TMTC2: variants seen among roughly 807,000 people sequenced by gnomAD.
TMTC2 encodes protein O-mannosyl-transferase TMTC2.
A neutral mutation model predicts 82.4 loss-of-function variants in TMTC2; 43 were observed. The ratio of observed to expected loss-of-function variants is 0.52; its 90% CI spans 0.41 to 0.67. TMTC2 has a LOEUF of 0.67. TMTC2 is among the 30% of genes least tolerant of loss of function. TMTC2 has a pLI of 0.00. For missense variants in TMTC2, 919 were observed against 1,012.4 expected (o/e 0.91, Z 1.25); for synonymous variants, 408 against 381.9 (o/e 1.07, Z -0.80).
intron 11 of TMTC2, among the ~76,000 whole-genome samples, chr12:83,131,784 A>G (rs1019566393): frequency 2.0e-5 from 3 of 152,200 alleles, no homozygotes; most frequent in Non-Finnish European, 2.9e-5. Flanking sequence ...AGAAGAGAAA[A>G]CAAAGAATGA....
chr12:82,785,772 C>T (rs994465092), intron 1 of TMTC2, among the ~76,000 whole-genome samples: 4 of 152,090 alleles, frequency 2.6e-5, no homozygotes, highest in Admixed American at 6.5e-5. Context: ...TTGGAATTCT[C>T]TAGTCTCCTT....
chr12:82,931,436 G>A (rs2137244494), intron 4 of TMTC2, among the ~76,000 whole-genome samples: 1 of 152,240 alleles, frequency 6.6e-6, no homozygotes, highest in African/African-American at 2.4e-5. Flanking sequence ...TGTTCTTTGA[G>A]TGGACAGTCC....
intron 1 of TMTC2, among the ~76,000 whole-genome samples, chr12:82,723,342 C>A (rs1449944989): frequency 6.6e-6 from 1 of 152,146 alleles, no homozygotes. Context: ...CCGCAGCTTT[C>A]TGAGCCCTGT....
At chr12:82,882,125 A>C (rs1005350437) in intron 2 of TMTC2, among the ~76,000 whole-genome samples, 1 of 142,780 alleles carries the variant, frequency 7.0e-6, no homozygotes, top group Admixed American at 7.1e-5. Flanking sequence ...TCAGCCTCCC[A>C]AGTAGCTGGG....
intron 1 of TMTC2, among the ~76,000 whole-genome samples, chr12:82,735,624 C>T (rs577086951): frequency 1.1e-4 from 17 of 151,392 alleles, no homozygotes; most frequent in East Asian, 8.0e-4. Context: ...GGATTACAGG[C>T]GTGAGCCACC....
intron 1 of TMTC2, among the ~76,000 whole-genome samples, chr12:82,853,936 TG>T (rs1871118343): frequency 6.7e-6 from 1 of 150,144 alleles, no homozygotes. Flanking sequence ...GTTTGGCAGT[TG>T]TTTTTTTTTT....
intron 9 of TMTC2, among the ~76,000 whole-genome samples, chr12:83,033,834 A>G (rs10862574): frequency 0.63 from 91,516 of 144,384 alleles, 29,768 homozygotes; most frequent in South Asian, 0.74. Context: ...GTGTGTGTGT[A>G]TATATATGTA....
intron 2 of TMTC2, among the ~76,000 whole-genome samples, chr12:82,876,178 G>GTGGTGGTGGTGGT (rs1872567063): frequency 7.3e-6 from 1 of 137,578 alleles, no homozygotes; most frequent in Non-Finnish European, 1.5e-5. Flanking sequence ...GTTGTTGATC[G>GTGGTGGTGGTGGT]GGTGGTAGTG....
chr12:82,778,739 C>T (rs1208298889), intron 1 of TMTC2, among the ~76,000 whole-genome samples: 2 of 145,362 alleles, frequency 1.4e-5, no homozygotes, highest in Non-Finnish European at 3.0e-5. Flanking sequence ...GTCCCAGCTA[C>T]TTGGGAGGCT....
chr12:82,932,055 A>G (rs776679805), intron 4 of TMTC2, among the ~76,000 whole-genome samples: 15 of 152,204 alleles, frequency 9.9e-5, no homozygotes, highest in Non-Finnish European at 2.2e-4. Context: ...TACTGACAGT[A>G]TTAAACTAAT....
intron 1 of TMTC2, among the ~76,000 whole-genome samples, chr12:82,832,845 A>G (rs756297222): frequency 6.6e-6 from 1 of 152,224 alleles, no homozygotes; most frequent in African/African-American, 2.4e-5. Context: ...GGAAATGTAA[A>G]ATAGATTAGT....
chr12:82,704,290 T>C (rs1873236556), intron 1 of TMTC2, among the ~76,000 whole-genome samples: 2 of 152,222 alleles, frequency 1.3e-5, no homozygotes, highest in African/African-American at 4.8e-5. Context: ...GAAAATGAAG[T>C]TAAAAGATTT....
In TMTC2 at chr12:83,034,690, A is replaced by G. The variant is rs983106584; in HGVS notation, c.2152+3811A>G. Among the ~76,000 whole-genome samples, 7 of 152,210 alleles carry G rather than the reference A, an allele frequency of 4.6e-5. No homozygotes were observed. In the South Asian group the frequency reaches 6.2e-4, roughly 14 times the overall value. On this transcript the variant is annotated intron_variant, in intron 9 of 11. Transcript: ENST00000321196. ...TTTACTTCCTTTAGAAGATTCTAAC[A>G]TAAGAGTAGGGATGGTGTGTTTTCC...
intron 2 of TMTC2, among the ~76,000 whole-genome samples, chr12:82,865,938 A>G (rs1232106034): frequency 6.6e-6 from 1 of 152,234 alleles, no homozygotes; most frequent in Admixed American, 6.5e-5. Context: ...ATGAAGGCAG[A>G]AATAAAGATG....
chr12:82,752,989 G>A (rs1349572560), intron 1 of TMTC2, among the ~76,000 whole-genome samples: 1 of 152,064 alleles, frequency 6.6e-6, no homozygotes, highest in African/African-American at 2.4e-5. Context: ...GTTCTCGAGG[G>A]CTGCTACAGT....
intron 1 of TMTC2, among the ~76,000 whole-genome samples, chr12:82,806,883 G>A (rs1879270245): frequency 6.6e-6 from 1 of 152,030 alleles, no homozygotes. Context: ...CTGTTAAAAC[G>A]TTTGTTGTTC....
intron 11 of TMTC2, among the ~76,000 whole-genome samples, chr12:83,125,456 A>G (rs560096051): frequency 3.3e-5 from 5 of 152,326 alleles, no homozygotes; most frequent in Admixed American, 2.0e-4. Context: ...GTGGGTCACC[A>G]AAGAGGAAAT....
chr12:83,041,689 G>A (rs976990099), intron 9 of TMTC2, among the ~76,000 whole-genome samples: 3 of 152,174 alleles, frequency 2.0e-5, no homozygotes, highest in Admixed American at 2.0e-4. Context: ...CAGGAGGATG[G>A]AAGATTATAG....
chr12:82,800,492 G>T (rs1462465298), intron 1 of TMTC2, among the ~76,000 whole-genome samples: 1 of 152,132 alleles, frequency 6.6e-6, no homozygotes, highest in Non-Finnish European at 1.5e-5. Context: ...TCAAGCTGTT[G>T]CATTTATTGT....
Sources: gnomAD v4.1 joint callset for allele counts (sites outside exome capture counted in the v4.1 genomes callset) on GRCh38, gnomAD v4.1.1 for gene constraint, MANE v1.5 for transcripts, NCBI Gene and HGNC (gene_info 2026-07-23, HGNC 2026-07-21) for gene names.